LDLRAD4: variants seen among roughly 807,000 people sequenced by gnomAD.
LDLRAD4 encodes the protein low density lipoprotein receptor class A domain containing 4.
In LDLRAD4, 5 loss-of-function variants were observed where a neutral mutation model predicts 17.0. That is an observed-to-expected ratio of 0.29 (90% CI 0.15 to 0.62). The LOEUF is 0.62. Among genes scored for constraint, LDLRAD4 ranks in the 20% least tolerant of loss-of-function variants. LDLRAD4 has a pLI of 0.84. For synonymous variants in LDLRAD4, 168 were observed against 171.8 expected (o/e 0.98, Z 0.17); for missense variants, 340 against 424.7 (o/e 0.80, Z 1.75).
At chr18:13,474,266 A>G (rs8099129) in intron 3 of LDLRAD4, among the ~76,000 whole-genome samples, 122,097 of 152,086 alleles carry the variant, frequency 0.8, 49,176 homozygotes, top group South Asian at 0.88. Context: ...TTTTGATAGC[A>G]GTGTAAGAAC....
chr18:13,550,485 C>G (rs567762483), intron 3 of LDLRAD4, among the ~76,000 whole-genome samples: 1 of 152,160 alleles, frequency 6.6e-6, no homozygotes, highest in Non-Finnish European at 1.5e-5. Flanking sequence ...AGTCAAAGCT[C>G]GAGGGGCTAG....
intron 3 of LDLRAD4, among the ~76,000 whole-genome samples, chr18:13,582,806 A>C (rs1463250099): frequency 6.6e-6 from 1 of 152,242 alleles, no homozygotes; most frequent in East Asian, 1.9e-4. Flanking sequence ...TCGACCTCCC[A>C]GGCGCAAGCA....
At chr18:13,443,006 G>T (rs1325625695) in intron 3 of LDLRAD4, among the ~76,000 whole-genome samples, 1 of 152,114 alleles carries the variant, frequency 6.6e-6, no homozygotes, top group Non-Finnish European at 1.5e-5. Context: ...CTGGAGGGTT[G>T]GGAGGAAGCT....
At chr18:13,505,615 T>C (rs145230208) in intron 3 of LDLRAD4, among the ~76,000 whole-genome samples, 1 of 152,190 alleles carries the variant, frequency 6.6e-6, no homozygotes, top group East Asian at 1.9e-4. Flanking sequence ...GTCAGGAGAT[T>C]GAGACCATCC....
chr18:13,457,186 G>T (rs759082154), intron 3 of LDLRAD4, among the ~76,000 whole-genome samples: 1 of 152,220 alleles, frequency 6.6e-6, no homozygotes, highest in Admixed American at 6.5e-5. Context: ...TTCAGGTTGG[G>T]GTTCTCACAA....
At chr18:13,457,793 C>A (rs367974464) in intron 3 of LDLRAD4, among the ~76,000 whole-genome samples, 3 of 152,176 alleles carry the variant, frequency 2.0e-5, no homozygotes, top group Admixed American at 2.0e-4. Flanking sequence ...GCTACCTGGG[C>A]CCCCGCTCCC....
At chr18:13,322,026 G>T (rs1568005269) in intron 1 of LDLRAD4, among the ~76,000 whole-genome samples, 1 of 150,764 alleles carries the variant, frequency 6.6e-6, no homozygotes, top group Non-Finnish European at 1.5e-5. Context: ...AGCAATGCTT[G>T]TTCTTTTTAT....
intron 3 of LDLRAD4, among the ~76,000 whole-genome samples, chr18:13,560,947 T>C (rs1050162201): frequency 6.6e-6 from 1 of 152,200 alleles, no homozygotes; most frequent in Non-Finnish European, 1.5e-5. Flanking sequence ...CAAGCCTGTG[T>C]GAAATAAAGG....
intron 3 of LDLRAD4, among the ~76,000 whole-genome samples, chr18:13,532,751 G>A (rs2094147059): frequency 6.6e-6 from 1 of 152,244 alleles, no homozygotes; most frequent in Non-Finnish European, 1.5e-5. Context: ...TTTAATAGCA[G>A]TGGCGCTTGT....
At chr18:13,554,555 G>A (rs1000400214) in intron 3 of LDLRAD4, among the ~76,000 whole-genome samples, 4 of 152,008 alleles carry the variant, frequency 2.6e-5, no homozygotes, top group South Asian at 2.1e-4. Context: ...CTGGCTCTCC[G>A]TATGAATACC....
chr18:13,551,143 T>C (rs2094430329), intron 3 of LDLRAD4, among the ~76,000 whole-genome samples: 1 of 152,136 alleles, frequency 6.6e-6, no homozygotes, highest in Admixed American at 6.5e-5. Context: ...ACTGTTTGAC[T>C]TCACCTCCAA....
In LDLRAD4 at chr18:13,455,175, G is replaced by C. The variant is rs556341185; in HGVS notation, c.181+16791G>C. Among the ~76,000 whole-genome samples, 242 of 152,296 alleles carry C rather than the reference G, an allele frequency of 1.6e-3. 1 individual carries two copies. The highest frequency in any genetic ancestry group is 5.7e-3 in the African/African-American group (237 of 41,570). ...GGACCAGGGATGTTCCTCAGGCTGG[G>C]CTGGCAGACAGGTCATTTTACCCAG... is the stretch of plus-strand genomic sequence containing the variant. On this transcript the variant is annotated intron_variant, in intron 3 of 5. Coordinates refer to ENST00000359446, the Ensembl canonical transcript of LDLRAD4.
intron 3 of LDLRAD4, among the ~76,000 whole-genome samples, chr18:13,495,184 A>G (rs2147167497): frequency 6.6e-6 from 1 of 152,310 alleles, no homozygotes; most frequent in Admixed American, 6.5e-5. Flanking sequence ...GTACACCAGT[A>G]AATCTACAGT....
chr18:13,467,521 T>C (rs1486433837), intron 3 of LDLRAD4, among the ~76,000 whole-genome samples: 1 of 152,252 alleles, frequency 6.6e-6, no homozygotes, highest in Non-Finnish European at 1.5e-5. Flanking sequence ...GGAAAGACGT[T>C]CCATATTCAT....
chr18:13,558,012 T>C (rs547282129), intron 3 of LDLRAD4, among the ~76,000 whole-genome samples: 10 of 152,366 alleles, frequency 6.6e-5, no homozygotes, highest in African/African-American at 2.2e-4. Flanking sequence ...TGAATGGTTT[T>C]GCAAACTTTG....
In LDLRAD4 at chr18:13,440,832, AG is replaced by A. The variant is rs1320860193; in HGVS notation, c.181+2449del. Among the ~76,000 whole-genome samples, 1 of 152,192 alleles carries A rather than the reference AG, an allele frequency of 6.6e-6. No homozygotes were observed. Among genetic ancestry groups the A allele is most frequent in the Non-Finnish European group, 1.5e-5 (1 of 68,034 alleles). Reference sequence around the variant, plus strand: ...TTGTATGGTTTATCTGTAATGTCAGAGCCATTGTGTACACGGAGCAGGAATT... The same window carrying A: ...TTGTATGGTTTATCTGTAATGTCAGACCATTGTGTACACGGAGCAGGAATT... On this transcript the variant is annotated intron_variant, in intron 3 of 5. Transcript: ENST00000359446. This position sits in a 1 kb window ranked among gnomAD's most constrained non-coding sequence, Gnocchi z 4.4.
Position 13,438,992 on chromosome 18 carries a change from G to A in LDLRAD4, c.181+608G>A, listed in dbSNP as rs372660822. On this transcript the variant is annotated intron_variant, in intron 3 of 5. Transcript: ENST00000359446. ...AGAAAGAAGGCAGCTTTGAAAGCCC[G>A]CTGAACTTCTCTTAGGAAAAGTGGC... 5.9e-5 allele frequency among the ~76,000 whole-genome samples: 9 copies of A among 152,310 alleles called. No homozygotes were observed. The East Asian group carries it at 1.3e-3, about 23-fold the overall frequency.
intron 3 of LDLRAD4, among the ~76,000 whole-genome samples, chr18:13,575,438 A>G (rs761458852): frequency 6.6e-6 from 1 of 152,224 alleles, no homozygotes; most frequent in Non-Finnish European, 1.5e-5. Context: ...CATGGTGTAT[A>G]TATACCACAA....
chr18:13,530,152 G>C (rs2053496498), intron 3 of LDLRAD4, among the ~76,000 whole-genome samples: 1 of 152,188 alleles, frequency 6.6e-6, no homozygotes, highest in African/African-American at 2.4e-5. Context: ...TGTGTCTCCA[G>C]ACTCCTTGAT....
Sources: gnomAD v4.1 joint callset for allele counts (sites outside exome capture counted in the v4.1 genomes callset) on GRCh38, gnomAD v4.1.1 for gene constraint, Gnocchi (gnomAD v3.1) non-coding constraint, MANE v1.5 for transcripts, NCBI Gene and HGNC (gene_info 2026-07-23, HGNC 2026-07-21) for gene names.